Variants in GLIS3 observed in about 807,000 individuals in gnomAD.
The protein encoded by GLIS3 is GLIS family zinc finger 3, also known as zinc finger protein GLIS3.
Under a neutral mutation model 78.6 loss-of-function variants are expected in GLIS3, and 53 were observed. The ratio of observed to expected loss-of-function variants is 0.67; its 90% confidence interval spans 0.54 to 0.85. GLIS3 has a LOEUF of 0.85. Ranked by LOEUF, GLIS3 falls within the 40% of genes least tolerant of loss-of-function variation. GLIS3 has a pLI of 0.00. For synonymous variants in GLIS3, 684 were observed against 509.9 expected, an observed-to-expected ratio of 1.34 and a Z score of -4.60; for missense variants, 1,703 against 1,231.1, an observed-to-expected ratio of 1.38 and a Z score of -5.74.
At chr9:4,068,627 G>C (rs1827307326) in intron 4 of GLIS3, among the ~76,000 whole-genome samples, 1 of 152,124 alleles carries the variant, frequency 6.6e-6, no homozygotes, top group South Asian at 2.1e-4. Flanking sequence ...CAAAGAGCAA[G>C]AATTTCACAA....
chr9:3,907,036 G>C (rs1823753320), intron 6 of GLIS3, among the ~76,000 whole-genome samples: 1 of 151,854 alleles, frequency 6.6e-6, no homozygotes, highest in African/African-American at 2.4e-5. Flanking sequence ...GGCCTCTCAG[G>C]GTACAAGAAG....
intron 9 of GLIS3, among the ~76,000 whole-genome samples, chr9:3,846,588 G>A (rs1029435716): frequency 3.9e-5 from 6 of 152,176 alleles, no homozygotes; most frequent in African/African-American, 1.4e-4. Flanking sequence ...CCTGCTCATA[G>A]GATTCCAGTT....
At chr9:4,062,463 G>A (rs959081725) in intron 4 of GLIS3, among the ~76,000 whole-genome samples, 1 of 152,112 alleles carries the variant, frequency 6.6e-6, no homozygotes, top group Admixed American at 6.5e-5. Flanking sequence ...AATGAATACT[G>A]GGTTTAGGAT....
intron 4 of GLIS3, 75 bp from the exon 5 acceptor site, chr9:3,937,264 A>AT (rs976077258): frequency 5.9e-5 from 88 of 1,504,140 alleles, no homozygotes; most frequent in Middle Eastern, 1.7e-4. Flanking sequence ...CTAAAAAAAA[A>AT]ATGTTCTTAG....
intron 4 of GLIS3, among the ~76,000 whole-genome samples, chr9:4,064,916 G>C (rs752338340): frequency 7.9e-5 from 12 of 152,184 alleles, no homozygotes; most frequent in Non-Finnish European, 1.6e-4. Context: ...TGAATCCCCA[G>C]GGAGCTGTAA....
chr9:3,985,391 G>A (rs191284122), intron 4 of GLIS3, among the ~76,000 whole-genome samples: 3 of 152,240 alleles, frequency 2.0e-5, no homozygotes, highest in Admixed American at 1.3e-4. Context: ...CAGGCAATGT[G>A]CCTGCCTCAG....
chr9:4,360,805 G>C, the GLIS3 span, among the ~76,000 whole-genome samples: 1 of 152,222 alleles, frequency 6.6e-6, no homozygotes, highest in Non-Finnish European at 1.5e-5. Flanking sequence ...TGCAGAAAGA[G>C]TTGTTCACTT....
chr9:3,904,407 AT>A (rs1215510282), intron 6 of GLIS3, among the ~76,000 whole-genome samples: 1 of 152,144 alleles, frequency 6.6e-6, no homozygotes, highest in African/African-American at 2.4e-5. Context: ...TGCCCTACAA[AT>A]TTCTGACTTG....
intron 9 of GLIS3, among the ~76,000 whole-genome samples, chr9:3,842,073 T>G (rs1818753031): frequency 6.6e-6 from 1 of 152,214 alleles, no homozygotes; most frequent in Non-Finnish European, 1.5e-5. Context: ...CAGAGAAGAT[T>G]CCAGACAGAG....
At chr9:4,190,834 C>T (rs1172871955) in intron 2 of GLIS3, among the ~76,000 whole-genome samples, 2 of 152,222 alleles carry the variant, frequency 1.3e-5, no homozygotes, top group East Asian at 1.9e-4. Flanking sequence ...CAGCTGATCT[C>T]TTGGCAGAAA....
At chr9:4,007,014 G>C (rs375976724) in intron 4 of GLIS3, among the ~76,000 whole-genome samples, 1 of 152,192 alleles carries the variant, frequency 6.6e-6, no homozygotes, top group African/African-American at 2.4e-5. Flanking sequence ...TGATATATTG[G>C]TGATCTAAGC....
chr9:4,268,383 C>A (rs1341601415), intron 2 of GLIS3, among the ~76,000 whole-genome samples: 1 of 152,128 alleles, frequency 6.6e-6, no homozygotes, highest in South Asian at 2.1e-4. Context: ...TACCATTATT[C>A]TTTCAAATAT....
chr9:4,453,333 G>A, the GLIS3 span, among the ~76,000 whole-genome samples: 1 of 113,772 alleles, frequency 8.8e-6, no homozygotes, highest in South Asian at 3.2e-4. Flanking sequence ...AAACTAAAGA[G>A]CTTCTGCACA....
chr9:4,464,548 C>T, the GLIS3 span, among the ~76,000 whole-genome samples: 16 of 152,050 alleles, frequency 1.1e-4, no homozygotes, highest in African/African-American at 3.6e-4. Flanking sequence ...GTGCCCACCA[C>T]AACACCAGCA....
the GLIS3 span, among the ~76,000 whole-genome samples, chr9:4,476,989 T>G: frequency 6.6e-6 from 1 of 152,134 alleles, no homozygotes; most frequent in African/African-American, 2.4e-5. Context: ...ACACCTGCTA[T>G]GGAAAACAGT....
chr9:4,317,320 C>T (rs976205365), intron 2 of GLIS3, among the ~76,000 whole-genome samples: 31 of 152,238 alleles, frequency 2.0e-4, no homozygotes, highest in African/African-American at 7.2e-4. Flanking sequence ...GTGAAATCTT[C>T]CAGAGAGTTT....
At chr9:4,225,614 C>G (rs749928397) in intron 2 of GLIS3, among the ~76,000 whole-genome samples, 4 of 152,072 alleles carry the variant, frequency 2.6e-5, no homozygotes, top group Non-Finnish European at 5.9e-5. Context: ...ACAAGGCAGG[C>G]TAAAGAGAAA....
At chr9:3,966,719 C>T (rs1026835605) in intron 4 of GLIS3, among the ~76,000 whole-genome samples, 1 of 151,078 alleles carries the variant, frequency 6.6e-6, no homozygotes, top group Non-Finnish European at 1.5e-5. Flanking sequence ...ACTTAGAACC[C>T]GGGAGGTGGT....
intron 2 of GLIS3, among the ~76,000 whole-genome samples, chr9:4,185,485 A>G (rs746615771): frequency 2.0e-5 from 3 of 152,192 alleles, no homozygotes; most frequent in Non-Finnish European, 4.4e-5. Flanking sequence ...GTGGTAGAAT[A>G]TCAACAATTC....
Sources: allele counts gnomAD v4.1 joint callset (sites outside exome capture counted in the v4.1 genomes callset), GRCh38; gene constraint gnomAD v4.1.1; transcripts MANE v1.5; gene names NCBI Gene and HGNC (gene_info 2026-07-23, HGNC 2026-07-21).